The following SLCO1A2 variants were observed in gnomAD, a reference collection of about 807,000 sequenced individuals.
The protein encoded by SLCO1A2 is solute carrier organic anion transporter family member 1A2.
SLCO1A2 carries 67 observed loss-of-function variants against 69.0 expected under a neutral mutation model. That is an observed-to-expected ratio of 0.97 (90% CI 0.80 to 1.19). The LOEUF is 1.19. Among genes scored for constraint, SLCO1A2 ranks in the 50% most tolerant of loss-of-function variants. The probability of loss-of-function intolerance (pLI) is 0.00; values close to 1 mark genes in which losing one functional copy is unlikely to be tolerated. For missense variants in SLCO1A2, 787 were observed against 793.7 expected, an observed-to-expected ratio of 0.99 and a Z score of 0.10; for synonymous variants, 260 against 265.9, an observed-to-expected ratio of 0.98 and a Z score of 0.22.
chr12:21,375,824 C>T (rs1345532681), intron 1 of SLCO1A2, among the ~76,000 whole-genome samples: 1 of 152,102 alleles, frequency 6.6e-6, no homozygotes, highest in East Asian at 1.9e-4. Flanking sequence ...CAAGAATTTC[C>T]ATGTGTGTAT....
In SLCO1A2 at chr12:21,383,221, T is replaced by C. The variant is rs571821552; in HGVS notation, c.-189-8696A>G. Among the ~76,000 whole-genome samples the C allele has an allele frequency of 2.0e-5, 3 of 152,320 alleles. No individual in the cohort carries two copies. In the East Asian group the frequency reaches 5.8e-4, roughly 29 times the overall value. ...ACTAAATATTTCCAACACTGAAAGA[T>C]TGCTGGTAGCACATCTTTTTTTTCT... On this transcript the variant is annotated intron_variant, in intron 1 of 15. Coordinates refer to the SLCO1A2 transcript ENST00000307378.
At position 21,264,790 on chromosome 12, in the gene SLCO1A2, A is replaced by G. The variant is rs1376349048; in HGVS notation, c.*4758T>C. On this transcript the variant is annotated 3_prime_UTR_variant, in exon 15 of 15. Transcript: ENST00000683939. ...TCTTAAGGGTAAGAAGACACTGCCA[A>G]AGAGGCCTCTGACCACAGGATCATT... is the stretch of plus-strand genomic sequence containing the variant. The G allele has an allele frequency of 6.6e-6, 1 of 152,148 alleles. No individual in the cohort carries two copies. Among genetic ancestry groups the G allele is most frequent in the African/African-American group, 2.4e-5 (1 of 41,406 alleles). 9.4% of individuals were successfully genotyped at this position (152,148 alleles called of 1,614,324 possible).
intron 12 of SLCO1A2, among the ~76,000 whole-genome samples, chr12:21,283,905 C>A (rs995084295): frequency 6.6e-5 from 10 of 152,016 alleles, no homozygotes; most frequent in Non-Finnish European, 2.9e-5. Flanking sequence ...CAAAAACAGG[C>A]AATAACAAAT....
intron 12 of SLCO1A2, among the ~76,000 whole-genome samples, chr12:21,285,024 A>C (rs1316040321): frequency 1.7e-5 from 2 of 117,938 alleles, no homozygotes; most frequent in African/African-American, 7.3e-5. Context: ...AACTGAAGGA[A>C]ATAGAGACAT....
chr12:21,339,358 A>C (rs1489851157), upstream of SLCO1A2, among the ~76,000 whole-genome samples: 1 of 151,970 alleles, frequency 6.6e-6, no homozygotes, highest in African/African-American at 2.4e-5. Context: ...AATGAAAACT[A>C]TTCATTTGGG....
At chr12:21,361,175 C>T (rs1366709289) in intron 2 of SLCO1A2, among the ~76,000 whole-genome samples, 1 of 152,174 alleles carries the variant, frequency 6.6e-6, no homozygotes, top group Non-Finnish European at 1.5e-5. Context: ...GGATGCCCCT[C>T]TAAGACAAAG....
chr12:21,382,915 G>A (rs1940679247), intron 1 of SLCO1A2, among the ~76,000 whole-genome samples: 1 of 152,060 alleles, frequency 6.6e-6, no homozygotes. Context: ...TGACTCTGAA[G>A]TGCAGACAAT....
intron 4 of SLCO1A2, among the ~76,000 whole-genome samples, chr12:21,309,519 A>G (rs1199898103): frequency 1.3e-5 from 2 of 152,196 alleles, no homozygotes; most frequent in African/African-American, 4.8e-5. Flanking sequence ...GCTAGAAAAC[A>G]TTGGGGGAAA....
chr12:21,298,556 C>T (rs1948106639), intron 8 of SLCO1A2, among the ~76,000 whole-genome samples: 2 of 152,260 alleles, frequency 1.3e-5, no homozygotes, highest in South Asian at 4.1e-4. Context: ...GAGGAGGACA[C>T]ACAGATTAAT....
In SLCO1A2 at chr12:21,293,988, C is replaced by T. The variant is rs561038215; in HGVS notation, c.1394G>A (p.Cys465Tyr). Residue 465 changes from cysteine (C) to tyrosine (Y), a missense_variant, in exon 11 of 15, where the codon TGT becomes TAT. Coordinates refer to ENST00000683939, the MANE Select transcript of SLCO1A2 (RefSeq NM_001386879.1). The stretch of plus-strand genomic sequence containing the variant: ...AATGGATGTCTCACAACCAGCAAGA[C>T]AAGCTGACAGATATGACAAGCCATT... ...GNNGLSYLSA[C>Y]LAGCETSIGT... The T allele has an allele frequency of 4.8e-5, 77 of 1,612,584 alleles. No individual in the cohort carries two copies. Among genetic ancestry groups the T allele is most frequent in the East Asian group, 2.9e-4 (13 of 44,708 alleles).
intron 1 of SLCO1A2, among the ~76,000 whole-genome samples, chr12:21,380,505 G>A (rs972680847): frequency 2.0e-5 from 3 of 152,250 alleles, no homozygotes; most frequent in South Asian, 4.1e-4. Context: ...AATTTCTTAC[G>A]AAAGTGAAAC....
chr12:21,354,432 A>G (rs948131791), intron 2 of SLCO1A2, among the ~76,000 whole-genome samples: 3 of 152,208 alleles, frequency 2.0e-5, no homozygotes, highest in Non-Finnish European at 4.4e-5. Flanking sequence ...AGCCAGATAA[A>G]GATAGTTGTC....
intron 4 of SLCO1A2, among the ~76,000 whole-genome samples, chr12:21,308,659 ACTT>A (rs1402742201): frequency 2.6e-5 from 4 of 152,184 alleles, no homozygotes; most frequent in Admixed American, 1.3e-4. Flanking sequence ...TGAGATTCCA[ACTT>A]CCATTTGGCT....
intron 2 of SLCO1A2, among the ~76,000 whole-genome samples, chr12:21,364,661 C>A (rs1177831746): frequency 6.6e-6 from 1 of 152,130 alleles, no homozygotes; most frequent in East Asian, 1.9e-4. Context: ...ACATCTCAGC[C>A]CAAAATCTCC....
intron 1 of SLCO1A2, among the ~76,000 whole-genome samples, chr12:21,381,081 T>C (rs1940557839): frequency 1.3e-5 from 2 of 152,014 alleles, no homozygotes; most frequent in African/African-American, 4.8e-5. Context: ...TGGGCTTAAG[T>C]ATGTACACTA....
At chr12:21,362,964 C>T (rs1939049376) in intron 2 of SLCO1A2, among the ~76,000 whole-genome samples, 1 of 152,182 alleles carries the variant, frequency 6.6e-6, no homozygotes, top group African/African-American at 2.4e-5. Flanking sequence ...TAACACCCCA[C>T]TGTGAACATT....
At chr12:21,284,347 G>C (rs60098288) in intron 12 of SLCO1A2, among the ~76,000 whole-genome samples, 1,964 of 152,304 alleles carry the variant, frequency 0.013, 38 homozygotes, top group African/African-American at 0.044. Context: ...ATTTCCATCT[G>C]AGGTACCGGG....
chr12:21,289,753 T>TAA (rs35667496), intron 12 of SLCO1A2, among the ~76,000 whole-genome samples: 4 of 143,426 alleles, frequency 2.8e-5, no homozygotes, highest in African/African-American at 1.0e-4. Flanking sequence ...AAGCCCAGGG[T>TAA]AAAAAAAAAA....
rs540311976 is a variant in SLCO1A2 at position 21,319,215 on chromosome 12, C to T, written c.61-292G>A. Among the ~76,000 whole-genome samples the T allele has an allele frequency of 2.6e-5, 4 of 152,276 alleles. No homozygotes were observed. The East Asian group carries it at 7.7e-4, about 29-fold the overall frequency. On this transcript the variant is annotated intron_variant, in intron 2 of 14. Coordinates refer to ENST00000683939, the MANE Select transcript of SLCO1A2 (RefSeq NM_001386879.1). ...ATTCTAAGTAATACATAGCTGATAA[C>T]TTAAACATGTCTTCAGAGCTACAAT...
Sources: gnomAD v4.1 joint callset for allele counts (sites outside exome capture counted in the v4.1 genomes callset) on GRCh38, gnomAD v4.1.1 for gene constraint, MANE v1.5 for transcripts, NCBI Gene and HGNC (gene_info 2026-07-23, HGNC 2026-07-21) for gene names.